Variants in PDZRN4 observed in about 807,000 individuals in gnomAD.
The protein encoded by PDZRN4 is PDZ domain-containing RING finger protein 4.
PDZRN4 carries 70 observed loss-of-function variants against 99.0 expected under a neutral mutation model. That is an observed-to-expected ratio of 0.71 (90% CI 0.58 to 0.86). The LOEUF is 0.86. Among genes scored for constraint, PDZRN4 ranks in the 40% least tolerant of loss-of-function variants. PDZRN4 has a pLI of 0.00. For synonymous variants in PDZRN4, 551 were observed against 501.6 expected, an observed-to-expected ratio of 1.10 and a Z score of -1.32; for missense variants, 1,474 against 1,331.2, an observed-to-expected ratio of 1.11 and a Z score of -1.67.
chr12:41,269,486 A>T (rs1951299524), intron 3 of PDZRN4, among the ~76,000 whole-genome samples: 1 of 152,150 alleles, frequency 6.6e-6, no homozygotes, highest in Non-Finnish European at 1.5e-5. Context: ...TGCATTCCCA[A>T]TTACAAGGAA....
intron 3 of PDZRN4, among the ~76,000 whole-genome samples, chr12:41,414,710 T>C (rs1048987888): frequency 6.6e-6 from 1 of 152,046 alleles, no homozygotes; most frequent in Non-Finnish European, 1.5e-5. Context: ...ATATATGAAA[T>C]TTTTACAAAA....
At position 41,238,557 on chromosome 12, in the gene PDZRN4, G is replaced by A. The variant is rs1027055127; in HGVS notation, c.843+44369G>A. Among the ~76,000 whole-genome samples, 5 of 151,906 alleles carry A rather than the reference G, an allele frequency of 3.3e-5. No homozygotes were observed. The South Asian group carries it at 1.0e-3, about 32-fold the overall frequency. On this transcript the variant is annotated intron_variant, in intron 3 of 9. Coordinates refer to ENST00000402685, the MANE Select transcript of PDZRN4 (RefSeq NM_001164595.2). ...AAAACAAACAACCCCATTAAAAAGT[G>A]GGCAAAGAACATGGACAGACACCTC...
intron 3 of PDZRN4, among the ~76,000 whole-genome samples, chr12:41,404,917 A>T (rs1952333796): frequency 6.6e-6 from 1 of 152,186 alleles, no homozygotes; most frequent in Non-Finnish European, 1.5e-5. Context: ...ATAACTGGCT[A>T]GTCATTTGAA....
At chr12:41,347,450 G>A (rs551706143) in intron 3 of PDZRN4, among the ~76,000 whole-genome samples, 1 of 152,194 alleles carries the variant, frequency 6.6e-6, no homozygotes, top group Non-Finnish European at 1.5e-5. Context: ...CTTCTTTGGA[G>A]AAATGTCTAC....
chr12:41,565,520 T>G (rs937530555), intron 8 of PDZRN4, among the ~76,000 whole-genome samples: 2 of 58,770 alleles, frequency 3.4e-5, no homozygotes, highest in African/African-American at 5.4e-4. Flanking sequence ...TTGTTGTATG[T>G]TTTTTTTTTG....
chr12:41,538,918 T>C (rs541425745), intron 5 of PDZRN4, among the ~76,000 whole-genome samples: 2 of 151,944 alleles, frequency 1.3e-5, no homozygotes, highest in Non-Finnish European at 2.9e-5. Context: ...AATTTAACAG[T>C]GCACAAAATT....
chr12:41,508,327 AG>A (rs1938243438), intron 4 of PDZRN4, among the ~76,000 whole-genome samples: 2 of 152,192 alleles, frequency 1.3e-5, no homozygotes, highest in South Asian at 4.1e-4. Flanking sequence ...AAAACTTCCT[AG>A]GGCTGCAGTG....
intron 5 of PDZRN4, among the ~76,000 whole-genome samples, chr12:41,546,115 TG>T (rs1938946516): frequency 6.6e-6 from 1 of 152,146 alleles, no homozygotes; most frequent in African/African-American, 2.4e-5. Context: ...ATTTGCAAAT[TG>T]TGGTAATGAA....
At chr12:41,343,750 C>CA (rs2121020322) in intron 3 of PDZRN4, among the ~76,000 whole-genome samples, 1 of 151,806 alleles carries the variant, frequency 6.6e-6, no homozygotes, top group Non-Finnish European at 1.5e-5. Flanking sequence ...GGTCTCACTA[C>CA]AAATGAATGA....
chr12:41,326,498 C>G (rs1434611159), intron 3 of PDZRN4, among the ~76,000 whole-genome samples: 1 of 152,066 alleles, frequency 6.6e-6, no homozygotes, highest in Non-Finnish European at 1.5e-5. Context: ...ATGTGGATAT[C>G]AGGTGGCAGG....
chr12:41,571,623 G>A (rs1939481614), intron 9 of PDZRN4, among the ~76,000 whole-genome samples: 1 of 152,062 alleles, frequency 6.6e-6, no homozygotes, highest in South Asian at 2.1e-4. Context: ...CATTGTTGTT[G>A]CTTTTGAGAA....
intron 3 of PDZRN4, among the ~76,000 whole-genome samples, chr12:41,299,741 T>G (rs1951521450): frequency 6.6e-6 from 1 of 152,062 alleles, no homozygotes; most frequent in African/African-American, 2.4e-5. Context: ...AAAGCATATT[T>G]CACTGTGTAT....
rs76179348 is a variant in PDZRN4, at chr12:41,463,414, A to T, written c.844-43042A>T. ...GTTCTTCATACTCTGGATTAGAATT[A>T]TTCAGATTTTGAGGATTTCATCCTC... On this transcript the variant is annotated intron_variant, in intron 3 of 9. Coordinates refer to ENST00000402685, the MANE Select transcript of PDZRN4 (RefSeq NM_001164595.2). Among the ~76,000 whole-genome samples the T allele has an allele frequency of 5.3e-3, 809 of 152,276 alleles. 44 individuals carry two copies. In the East Asian group the frequency reaches 0.13, roughly 24 times the overall value.
intron 3 of PDZRN4, among the ~76,000 whole-genome samples, chr12:41,495,407 T>C (rs1054175942): frequency 2.0e-5 from 3 of 152,080 alleles, no homozygotes; most frequent in South Asian, 2.1e-4. Context: ...TGGGAATAGA[T>C]ACCGAGGCTG....
intron 3 of PDZRN4, among the ~76,000 whole-genome samples, chr12:41,334,152 A>G (rs1951757543): frequency 6.6e-6 from 1 of 152,050 alleles, no homozygotes; most frequent in African/African-American, 2.4e-5. Flanking sequence ...CTTCATTAGC[A>G]TTTGAATCTC....
At chr12:41,201,530 C>T (rs1011571670) in intron 3 of PDZRN4, among the ~76,000 whole-genome samples, 3 of 152,020 alleles carry the variant, frequency 2.0e-5, no homozygotes, top group African/African-American at 7.2e-5. Flanking sequence ...ATCTCTTTTG[C>T]TCTCAGCATT....
intron 8 of PDZRN4, among the ~76,000 whole-genome samples, chr12:41,567,525 T>C (rs547669297): frequency 1.2e-4 from 19 of 152,248 alleles, no homozygotes; most frequent in Admixed American, 1.0e-3. Flanking sequence ...GAAGGTAATA[T>C]TCTGTGCTGT....
chr12:41,499,605 A>G (rs1388716418), intron 3 of PDZRN4, among the ~76,000 whole-genome samples: 1 of 152,094 alleles, frequency 6.6e-6, no homozygotes, highest in Admixed American at 6.6e-5. Context: ...CAAGACAAGG[A>G]AAAGATAATG....
intron 5 of PDZRN4, among the ~76,000 whole-genome samples, chr12:41,518,857 G>A (rs966692479): frequency 2.0e-5 from 3 of 151,988 alleles, no homozygotes; most frequent in African/African-American, 4.8e-5. Context: ...ACTGAGGTGG[G>A]AGGATTATTG....
Sources: gnomAD v4.1 joint callset for allele counts (sites outside exome capture counted in the v4.1 genomes callset) on GRCh38, gnomAD v4.1.1 for gene constraint, MANE v1.5 for transcripts, NCBI Gene and HGNC (gene_info 2026-07-23, HGNC 2026-07-21) for gene names.